Variants in VMP1 observed in about 807,000 individuals in gnomAD.
The protein encoded by VMP1 is ectopic P-granules autophagy protein 3 homolog.
In VMP1, 11 loss-of-function variants were observed where a neutral mutation model predicts 56.0. The ratio of observed to expected loss-of-function variants is 0.20; its 90% CI spans 0.12 to 0.32. The LOEUF (loss-of-function observed/expected upper bound fraction) is 0.32, where lower values mean the gene tolerates loss of function less well. VMP1 is among the 10% of genes least tolerant of loss of function. VMP1 has a pLI of 1.00. For missense variants in VMP1, 296 were observed against 490.3 expected, an observed-to-expected ratio of 0.60 and a Z score of 3.74; for synonymous variants, 149 against 165.0, an observed-to-expected ratio of 0.90 and a Z score of 0.74.
intron 5 of VMP1, among the ~76,000 whole-genome samples, chr17:59,750,423 T>G (rs138022955): frequency 0.038 from 5,818 of 151,702 alleles, 137 homozygotes; most frequent in Non-Finnish European, 0.061. Flanking sequence ...TGCCTCACAC[T>G]CCCAAGTAGC....
At chr17:59,822,716 A>G (rs2038497204) in intron 10 of VMP1, among the ~76,000 whole-genome samples, 1 of 152,220 alleles carries the variant, frequency 6.6e-6, no homozygotes. Flanking sequence ...AAGAGAACAA[A>G]TTTTTAGTAG....
In VMP1 at chr17:59,841,009, T is replaced by C. The variant is rs3851812; in HGVS notation, c.*1098T>C. The C allele has an allele frequency of 0.032, 5,759 of 180,504 alleles. 384 individuals are homozygous for C. The highest frequency in any genetic ancestry group is 0.13 in the African/African-American group (5,463 of 42,376). 11.2% of individuals were successfully genotyped at this position (180,504 alleles called of 1,614,324 possible). ...TGTAAGTGTTTTATTCTTAGTGTGA[T>C]TTTTTTCCATTGGGATGTTTTTGAT... On this transcript the variant is annotated 3_prime_UTR_variant, in exon 12 of 12. Coordinates refer to ENST00000262291, the MANE Select transcript of VMP1 (RefSeq NM_030938.5).
At chr17:59,778,251 G>C (rs2036694472) in intron 7 of VMP1, among the ~76,000 whole-genome samples, 1 of 152,036 alleles carries the variant, frequency 6.6e-6, no homozygotes, top group Non-Finnish European at 1.5e-5. Context: ...ATAAGAATAA[G>C]GCACTTAAGG....
At chr17:59,838,875 G>A (rs1379347239) in intron 11 of VMP1, 1 of 152,822 alleles carries the variant, frequency 6.5e-6, no homozygotes, top group Non-Finnish European at 1.5e-5. Context: ...TGTCTTTTCT[G>A]TAAACGATTC....
chr17:59,755,996 C>CA (rs1165308938), intron 5 of VMP1, among the ~76,000 whole-genome samples: 1 of 152,108 alleles, frequency 6.6e-6, no homozygotes, highest in African/African-American at 2.4e-5. Flanking sequence ...CTCGGCCTCT[C>CA]AAAGTGTTAG....
intron 7 of VMP1, among the ~76,000 whole-genome samples, chr17:59,794,368 C>T (rs567274135): frequency 2.7e-4 from 40 of 146,528 alleles, no homozygotes; most frequent in African/African-American, 9.3e-4. Flanking sequence ...TACAAGCGCA[C>T]GCCACCACGC....
At chr17:59,735,692 G>A in intron 3 of VMP1, 1 of 489,268 alleles carries the variant, frequency 2.0e-6, no homozygotes, top group Non-Finnish European at 3.6e-6. Context: ...GATTATCACA[G>A]TTGTCCACTG....
chr17:59,746,007 T>C (rs955208319), intron 5 of VMP1, among the ~76,000 whole-genome samples: 1 of 152,236 alleles, frequency 6.6e-6, no homozygotes, highest in African/African-American at 2.4e-5. Context: ...TCCTAGAGTG[T>C]GGAAGGTATC....
intron 4 of VMP1, among the ~76,000 whole-genome samples, 196 bp downstream of exon 4, chr17:59,737,739 T>G (rs1034866642): frequency 6.6e-6 from 1 of 152,128 alleles, no homozygotes; most frequent in Non-Finnish European, 1.5e-5. Flanking sequence ...TGAGGATTTA[T>G]ATGTGGTGTG....
chr17:59,799,820 A>T (rs528540482), intron 7 of VMP1, among the ~76,000 whole-genome samples: 3 of 152,002 alleles, frequency 2.0e-5, no homozygotes, highest in Admixed American at 2.0e-4. Flanking sequence ...AAAATTAGCC[A>T]GGTGTGGTGG....
intron 10 of VMP1, among the ~76,000 whole-genome samples, chr17:59,825,997 G>C (rs1251225732): frequency 6.6e-6 from 1 of 152,148 alleles, no homozygotes; most frequent in Non-Finnish European, 1.5e-5. Flanking sequence ...GATTCTCTTT[G>C]ACTTTGATCA....
chr17:59,745,473 C>A (rs1172655113), intron 5 of VMP1, among the ~76,000 whole-genome samples: 2 of 152,166 alleles, frequency 1.3e-5, no homozygotes, highest in Non-Finnish European at 2.9e-5. Flanking sequence ...GTTTCAAAAT[C>A]TGATCTGGGT....
At position 59,740,968 on chromosome 17, in the gene VMP1, C is replaced by T. The variant is rs559976475; in HGVS notation, c.414+2021C>T. Among the ~76,000 whole-genome samples the T allele has an allele frequency of 4.6e-5, 7 of 152,230 alleles. No individual in the cohort carries two copies. In the East Asian group the frequency reaches 1.2e-3, roughly 25 times the overall value. ...ATTCCAGCATTTTGAGAAGCCAAGG[C>T]GGGCTGATCACTTGAGCCTAGGAGT... On this transcript the variant is annotated intron_variant, in intron 5 of 11. Coordinates refer to ENST00000262291, the MANE Select transcript of VMP1 (RefSeq NM_030938.5).
At chr17:59,745,557 A>G (rs1360380895) in intron 5 of VMP1, among the ~76,000 whole-genome samples, 1 of 152,180 alleles carries the variant, frequency 6.6e-6, no homozygotes, top group Non-Finnish European at 1.5e-5. Flanking sequence ...CTGATTAGTG[A>G]TCAACAGAAT....
chr17:59,764,972 G>A lies in VMP1; in HGVS notation c.416G>A (p.Gly139Asp). The change falls in exon 6 of 12, where the codon GGT (glycine) becomes GAT (aspartate). Residue 139 changes from glycine to aspartate, a missense_variant and splice_region_variant. This residue lies in a region of VMP1 where 126 missense variants were observed against 231.6 expected (regional missense o/e 0.54). Coordinates refer to ENST00000262291, the MANE Select transcript of VMP1 (RefSeq NM_030938.5). ...AAGTTTCTTGTATTTGTTTTATAGGGTCCACATATAGCCTCAGTTACATTA... is the reference window on the plus strand; with the variant it reads ...AAGTTTCTTGTATTTGTTTTATAGGATCCACATATAGCCTCAGTTACATTA... The part of the protein sequence containing the change: ...TGLHTFLLYL[G>D]PHIASVTLAA... The A allele has an allele frequency of 6.3e-7, 1 of 1,592,162 alleles. No homozygotes were observed.
chr17:59,732,664 G>A (rs931816100), intron 2 of VMP1, among the ~76,000 whole-genome samples: 1 of 152,220 alleles, frequency 6.6e-6, no homozygotes, highest in Non-Finnish European at 1.5e-5. Context: ...AGGATTCAGA[G>A]ATGGGCATTG....
At chr17:59,821,933 C>T (rs1241955310) in intron 10 of VMP1, among the ~76,000 whole-genome samples, 3 of 151,946 alleles carry the variant, frequency 2.0e-5, no homozygotes, top group Non-Finnish European at 4.4e-5. Context: ...ACCTCCGCCT[C>T]CTGGATTCAA....
In VMP1 at chr17:59,793,771, C is replaced by T. The variant is rs2037323158; in HGVS notation, c.715-15025C>T. 6.1e-5 allele frequency among the ~76,000 whole-genome samples: 4 copies of T among 65,478 alleles called. 2 individuals carry two copies. Among genetic ancestry groups the T allele is most frequent in the Non-Finnish European group, 2.0e-4 (4 of 20,386 alleles). The allele number at this position is 65,478 out of a possible 152,430, so 43.0% of individuals were successfully genotyped here. A position where few individuals can be genotyped will look rare whatever the true frequency, so the allele number is the denominator to read the frequency against. On this transcript the variant is annotated intron_variant, in intron 7 of 11. Coordinates refer to ENST00000262291, the MANE Select transcript of VMP1 (RefSeq NM_030938.5). ...CCTCCTGAGTAGCTGAAATTACAGG[C>T]GAGCACCACCATGCCCGTTTAATTT... is the stretch of plus-strand genomic sequence containing the variant.
At chr17:59,789,878 C>T (rs1201631263) in intron 7 of VMP1, among the ~76,000 whole-genome samples, 1 of 118,080 alleles carries the variant, frequency 8.5e-6, no homozygotes. Context: ...CTCCCTCTGT[C>T]ACCCAGACTG....
Sources: allele counts gnomAD v4.1 joint callset (sites outside exome capture counted in the v4.1 genomes callset), GRCh38; gene constraint gnomAD v4.1.1; regional missense constraint gnomAD v4.1.1; transcripts MANE v1.5; gene names NCBI Gene and HGNC (gene_info 2026-07-23, HGNC 2026-07-21).